TANC2: variants seen among roughly 807,000 people sequenced by gnomAD.
TANC2 encodes protein TANC2.
TANC2 carries 26 observed loss-of-function variants against 210.5 expected under a neutral mutation model. That is an observed-to-expected ratio of 0.12 (90% CI 0.09 to 0.17). The LOEUF (loss-of-function observed/expected upper bound fraction) is 0.17, where lower values mean the gene tolerates loss of function less well. Among genes scored for constraint, TANC2 ranks in the 10% least tolerant of loss-of-function variants. The probability of loss-of-function intolerance (pLI) is 1.00; values close to 1 mark genes in which losing one functional copy is unlikely to be tolerated. For missense variants in TANC2, 2,129 were observed against 2,608.9 expected, an observed-to-expected ratio of 0.82 and a Z score of 4.01; for synonymous variants, 931 against 967.1, an observed-to-expected ratio of 0.96 and a Z score of 0.69.
chr17:63,059,221 C>T (rs2035911955), intron 2 of TANC2, among the ~76,000 whole-genome samples: 1 of 152,160 alleles, frequency 6.6e-6, no homozygotes, highest in Admixed American at 6.5e-5. Context: ...TGTACTCAGA[C>T]ACAACTTAAC....
chr17:63,361,736 A>G (rs1261936552), intron 14 of TANC2, among the ~76,000 whole-genome samples: 2 of 152,236 alleles, frequency 1.3e-5, no homozygotes, highest in African/African-American at 4.8e-5. Context: ...CAGTCCCGCC[A>G]TTCAGCAGGT....
chr17:63,368,827 G>A (rs1442357087), intron 14 of TANC2, among the ~76,000 whole-genome samples: 1 of 152,180 alleles, frequency 6.6e-6, no homozygotes, highest in Non-Finnish European at 1.5e-5. Context: ...GGAAAAGTTT[G>A]ACCATGTTGG....
intron 9 of TANC2, among the ~76,000 whole-genome samples, chr17:63,302,550 T>A (rs2044752445): frequency 6.6e-6 from 1 of 151,758 alleles, no homozygotes; most frequent in Non-Finnish European, 1.5e-5. Flanking sequence ...TTTTTTGATC[T>A]TTGTTGGTTT....
At chr17:63,322,390 C>T (rs1013725283) in intron 11 of TANC2, among the ~76,000 whole-genome samples, 3 of 151,916 alleles carry the variant, frequency 2.0e-5, no homozygotes, top group Admixed American at 6.6e-5. Context: ...CCCAGCTACT[C>T]GGGAGGCTGA....
intron 4 of TANC2, among the ~76,000 whole-genome samples, chr17:63,142,023 C>G (rs952156019): frequency 6.6e-6 from 1 of 152,186 alleles, no homozygotes; most frequent in Non-Finnish European, 1.5e-5. Flanking sequence ...TTAGAACAAA[C>G]TAAATTCATA....
At chr17:63,237,632 T>G (rs2042656996) in intron 7 of TANC2, among the ~76,000 whole-genome samples, 182 bp from the exon 8 acceptor site, 1 of 152,134 alleles carries the variant, frequency 6.6e-6, no homozygotes, top group South Asian at 2.1e-4. Context: ...TGAGTTGATT[T>G]TTGCATATGG....
At chr17:63,378,975 A>G (rs1481623804) in intron 14 of TANC2, among the ~76,000 whole-genome samples, 2 of 152,334 alleles carry the variant, frequency 1.3e-5, no homozygotes, top group Non-Finnish European at 2.9e-5. Context: ...AAGGCTGAGA[A>G]GAAAAGTCTA....
chr17:63,124,870 C>CT (rs200682977), intron 4 of TANC2, among the ~76,000 whole-genome samples: 2,752 of 152,258 alleles, frequency 0.018, 35 homozygotes, highest in South Asian at 0.025. Context: ...TTATGAGACT[C>CT]TAACGCCTGA....
exon 14 of TANC2, chr17:63,355,335 G>A: frequency 6.2e-7 from 1 of 1,609,966 alleles, no homozygotes; most frequent in South Asian, 1.1e-5. Flanking sequence ...TTCTTTTCGA[G>A]AATGGCTTAT....
chr17:62,982,789 T>C (rs1402217076), intron 1 of TANC2, among the ~76,000 whole-genome samples: 1 of 152,246 alleles, frequency 6.6e-6, no homozygotes, highest in African/African-American at 2.4e-5. Context: ...TGGATTAATT[T>C]CTGGGTTCTC....
intron 1 of TANC2, chr17:62,967,192 T>C (rs1371631932): frequency 6.6e-6 from 1 of 152,188 alleles, no homozygotes; most frequent in East Asian, 1.9e-4. Flanking sequence ...ATTAGCGATA[T>C]TAATAATTCC....
chr17:63,196,441 G>A (rs1291149331), intron 6 of TANC2, among the ~76,000 whole-genome samples: 1 of 152,114 alleles, frequency 6.6e-6, no homozygotes, highest in Admixed American at 6.5e-5. Context: ...CAAGGACTCT[G>A]TCATTTCTAC....
chr17:63,011,461 A>G (rs979873584), intron 2 of TANC2, among the ~76,000 whole-genome samples: 4 of 152,068 alleles, frequency 2.6e-5, no homozygotes, highest in Admixed American at 6.6e-5. Context: ...TAATGATGGC[A>G]CTCAAACATT....
At chr17:63,115,219 T>G (rs2145074894) in intron 4 of TANC2, among the ~76,000 whole-genome samples, 1 of 152,306 alleles carries the variant, frequency 6.6e-6, no homozygotes, top group East Asian at 1.9e-4. Context: ...GAGATTAGAT[T>G]ATCCAGGAAA....
At chr17:63,378,951 A>G (rs929349640) in intron 14 of TANC2, among the ~76,000 whole-genome samples, 2 of 152,168 alleles carry the variant, frequency 1.3e-5, no homozygotes, top group African/African-American at 4.8e-5. Context: ...AGACAGTTGG[A>G]TATATACTGG....
chr17:63,028,869 A>T (rs2034658692), intron 2 of TANC2, among the ~76,000 whole-genome samples: 1 of 152,166 alleles, frequency 6.6e-6, no homozygotes, highest in Non-Finnish European at 1.5e-5. Flanking sequence ...GTTAAAAGAA[A>T]AAAAGGGAAA....
At chr17:63,169,936 A>G (rs1489567503) in intron 5 of TANC2, among the ~76,000 whole-genome samples, 1 of 136,114 alleles carries the variant, frequency 7.3e-6, no homozygotes, top group East Asian at 2.2e-4. Flanking sequence ...TCAAGACCAC[A>G]GTGAAATCCT....
intron 2 of TANC2, among the ~76,000 whole-genome samples, chr17:63,059,529 T>C (rs2035921050): frequency 6.6e-6 from 1 of 152,210 alleles, no homozygotes; most frequent in South Asian, 2.1e-4. Context: ...GTCCCACTTA[T>C]TATCCAAAAT....
intron 27 of TANC2, among the ~76,000 whole-genome samples, chr17:63,419,744 C>A (rs907172179): frequency 6.6e-6 from 1 of 152,120 alleles, no homozygotes; most frequent in Non-Finnish European, 1.5e-5. Flanking sequence ...GCTGGACTGA[C>A]AAAATGGGGC....
Sources: allele counts gnomAD v4.1 joint callset (sites outside exome capture counted in the v4.1 genomes callset), GRCh38; gene constraint gnomAD v4.1.1; transcripts MANE v1.5; gene names NCBI Gene and HGNC (gene_info 2026-07-23, HGNC 2026-07-21).